ZFPL1: variants seen among roughly 807,000 people sequenced by gnomAD.
The protein encoded by ZFPL1 is zinc finger protein like 1, also known as zinc finger protein-like 1.
A neutral mutation model predicts 32.0 loss-of-function variants in ZFPL1; 28 were observed. That is an observed-to-expected ratio of 0.87 (90% CI 0.65 to 1.20). The LOEUF is 1.20. Among genes scored for constraint, ZFPL1 ranks in the 50% most tolerant of loss-of-function variants. The probability of loss-of-function intolerance (pLI) is 0.00; values close to 1 mark genes in which losing one functional copy is unlikely to be tolerated. For synonymous variants in ZFPL1, 165 were observed against 177.0 expected, an observed-to-expected ratio of 0.93 and a Z score of 0.54; for missense variants, 386 against 424.8, an observed-to-expected ratio of 0.91 and a Z score of 0.80.
Position 65,086,460 on chromosome 11 carries a change from C to G in ZFPL1, c.260C>G (p.Pro87Arg). 6.2e-7 allele frequency: 1 copy of G among 1,614,100 alleles called. No individual in the cohort carries two copies. Among genetic ancestry groups the G allele is most frequent in the Non-Finnish European group, 8.5e-7 (1 of 1,180,028 alleles). ...ACLNERAAQL[P>R]RNTAPAGYQC... Reference sequence around the variant, plus strand: ...CTCAATGAACGTGCTGCCCAGCTACCCCGAAACACGGCACCTGCCGGCTAT... The same window carrying G: ...CTCAATGAACGTGCTGCCCAGCTACGCCGAAACACGGCACCTGCCGGCTAT... The change falls in exon 4 of 8, where the codon CCC becomes CGC. Residue 87 changes from proline to arginine, a missense_variant. Coordinates refer to ENST00000294258, the MANE Select transcript of ZFPL1 (RefSeq NM_006782.4).
chr11:65,084,871 A>T lies in ZFPL1; in HGVS notation c.102+71A>T, dbSNP rs748979854. 2.5e-5 allele frequency: 39 copies of T among 1,559,270 alleles called. No homozygotes were observed. The African/African-American group carries it at 5.2e-4, about 21-fold the overall frequency. On this transcript the variant is annotated intron_variant, in intron 2 of 7. Coordinates refer to ENST00000294258, the MANE Select transcript of ZFPL1 (RefSeq NM_006782.4). ...GGCGGTATTGGCTTCCTCCAAATCC[A>T]TGAGGGGCCCCGCGCTAGAATGTAA...
chr11:65,086,372 C>G, intron 3 of ZFPL1, 43 bp from the exon 4 acceptor site: 1 of 1,612,422 alleles, frequency 6.2e-7, no homozygotes, highest in Non-Finnish European at 8.5e-7. Flanking sequence ...CCCTAAGTGT[C>G]TTCTTCCTCA....
At chr11:65,087,691 T>C (rs1307109646) in intron 7 of ZFPL1, 1 of 615,938 alleles carries the variant, frequency 1.6e-6, no homozygotes, top group Non-Finnish European at 2.8e-6. Flanking sequence ...TGACACCCCC[T>C]AATCTTTGTA....
intron 3 of ZFPL1, chr11:65,086,101 A>G: frequency 2.3e-6 from 1 of 439,498 alleles, no homozygotes; most frequent in Non-Finnish European, 4.1e-6. Flanking sequence ...ACTGTTCATT[A>G]TTAGCCATTA....
Position 65,086,948 on chromosome 11 carries a change from G to T in ZFPL1, c.502G>T (p.Glu168Ter). The change falls in exon 6 of 8, where the codon GAG (glutamate) becomes TAG (stop). Residue 168 changes from glutamate (E) to a stop codon, truncating the protein, a stop_gained. Coordinates refer to ENST00000294258, the MANE Select transcript of ZFPL1 (RefSeq NM_006782.4). LOFTEE classifies it high-confidence loss of function. ...SFNASSTPGPEEVDSASAAPA... is the reference protein window; with the variant it reads ...SFNASSTPGP ...CACAGCCAGCAGTACCCCTGGACCA[G>T]AGGAGGTAGACAGCGCCTCTGCTGC... 6.2e-7 allele frequency: 1 copy of T among 1,613,988 alleles called. No individual in the cohort carries two copies. Among genetic ancestry groups the T allele is most frequent in the African/African-American group, 1.3e-5 (1 of 75,002 alleles).
Position 65,084,930 on chromosome 11 carries a change from T to C in ZFPL1, c.102+130T>C, listed in dbSNP as rs765940015. 3 of 1,164,530 alleles carry C rather than the reference T, an allele frequency of 2.6e-6. No homozygotes were observed. In the Admixed American group the frequency reaches 6.0e-5, roughly 23 times the overall value. The allele number at this position is 1,164,530 out of a possible 1,614,324, so 72.1% of individuals were successfully genotyped here. A position where few individuals can be genotyped will look rare whatever the true frequency, so the allele number is the denominator to read the frequency against. ...AGGGCAAGGACTTGATTTATTTTGTTCACTGATATATCCCCCGTTCCCAAG... is the reference window on the plus strand; with the variant it reads ...AGGGCAAGGACTTGATTTATTTTGTCCACTGATATATCCCCCGTTCCCAAG... On this transcript the variant is annotated intron_variant, in intron 2 of 7. Coordinates refer to ENST00000294258, the MANE Select transcript of ZFPL1 (RefSeq NM_006782.4).
At position 65,085,264 on chromosome 11, in the gene ZFPL1, C is replaced by G. The variant is rs1554990725; in HGVS notation, c.214+38C>G. On this transcript the variant is annotated intron_variant, in intron 3 of 7. Coordinates refer to ENST00000294258, the MANE Select transcript of ZFPL1 (RefSeq NM_006782.4). Reference sequence around the variant, plus strand: ...CACCTCGGGGGGATCAGGCCAGCCTCAGGGGCCAGCTTGGTGACTGGTTTC... The same window carrying G: ...CACCTCGGGGGGATCAGGCCAGCCTGAGGGGCCAGCTTGGTGACTGGTTTC... 5.1e-6 allele frequency: 8 copies of G among 1,583,716 alleles called. No individual in the cohort carries two copies. The South Asian group carries it at 8.8e-5, about 18-fold the overall frequency.
rs942962184 is a variant in ZFPL1, at chr11:65,084,241, G to A, written c.-146G>A. On this transcript the variant is annotated 5_prime_UTR_variant, in exon 1 of 8. Coordinates refer to ENST00000294258, the MANE Select transcript of ZFPL1 (RefSeq NM_006782.4). ...CCCGGAAGAGACGTGGCAGCGGAGG[G>A]ATAATCGGGGCGGCCGGGGCTGAAG... The A allele has an allele frequency of 5.2e-6, 3 of 579,874 alleles. No individual in the cohort carries two copies. The highest frequency in any genetic ancestry group is 5.9e-5 in the East Asian group (2 of 33,746). The allele number at this position is 579,874 out of a possible 1,614,324, so 35.9% of individuals were successfully genotyped here. A position where few individuals can be genotyped will look rare whatever the true frequency, so the allele number is the denominator to read the frequency against.
intron 3 of ZFPL1, chr11:65,086,107 C>T (rs1336641646): frequency 2.2e-5 from 10 of 456,946 alleles, no homozygotes; most frequent in Non-Finnish European, 3.5e-5. Context: ...CATTATTAGC[C>T]ATTAGCCCAA....
At chr11:65,084,422 A>C in intron 1 of ZFPL1, 44 bp downstream of exon 1, 1 of 452,664 alleles carries the variant, frequency 2.2e-6, no homozygotes, top group Non-Finnish European at 3.8e-6. Context: ...GGGGCTCAGG[A>C]GAGGTCTTGG....
rs768278358 is a variant in ZFPL1 at position 65,086,584 on chromosome 11, C to T, written c.384C>T (p.Ala128=). Residue 128 remains alanine, a synonymous_variant, in exon 4 of 8, where the codon GCC becomes GCT. Transcript: ENST00000294258. ...LREKLATVNW[A]RAGLGLPLID... ...AGAAGCTGGCCACAGTCAACTGGGC[C>T]CGGGCAGGACTGGGCCTCCCTCTGG... The T allele has an allele frequency of 6.2e-7, 1 of 1,613,986 alleles. No individual in the cohort carries two copies. Among genetic ancestry groups the T allele is most frequent in the Non-Finnish European group, 8.5e-7 (1 of 1,179,982 alleles).
Position 65,085,125 on chromosome 11 carries a change from A to G in ZFPL1, c.113A>G (p.Gln38Arg). Residue 38 changes from glutamine to arginine, a missense_variant, in exon 3 of 8, where the codon CAG (glutamine) becomes CGG (arginine). By Grantham distance (43) the Gln-to-Arg change is conservative. Transcript: ENST00000294258. The part of the protein sequence containing the change: ...LVANHAKCIV[Q>R]SYLQWLQDSD... ...TCTCTCCCACTCCAGTGCATCGTCC[A>G]GTCCTACCTGCAATGGCTCCAAGAT... is the stretch of plus-strand genomic sequence containing the variant. 1 of 1,614,230 alleles carries G rather than the reference A, an allele frequency of 6.2e-7. No homozygotes were observed.
Position 65,087,009 on chromosome 11 carries a change from C to A in ZFPL1, c.563C>A (p.Ala188Asp). The A allele has an allele frequency of 6.2e-7, 1 of 1,614,010 alleles. No homozygotes were observed. Among genetic ancestry groups the A allele is most frequent in the African/African-American group, 1.3e-5 (1 of 75,060 alleles). ...TACAGCCAGGCCCCCCGGCCCCCAG[C>A]TTCCCCAGGCCGGCCCGAGCAGCAC... ...AFYSQAPRPP[A>D]SPGRPEQHTV... Residue 188 changes from alanine to aspartate, a missense_variant, in exon 6 of 8, where the codon GCT (alanine) becomes GAT (aspartate). By Grantham distance (126) the Ala-to-Asp change is moderately radical. Transcript: ENST00000294258.
At position 65,085,229 on chromosome 11, in the gene ZFPL1, G is replaced by A. The variant is rs1360199749; in HGVS notation, c.214+3G>A. 1 of 1,613,896 alleles carries A rather than the reference G, an allele frequency of 6.2e-7. No homozygotes were observed. The highest frequency in any genetic ancestry group is 1.3e-5 in the African/African-American group (1 of 75,018). The stretch of plus-strand genomic sequence containing the variant: ...GACGACCCGCCTTGTCTGCTATGGT[G>A]AGGCCTTGGCACCTCGGGGGGATCA... On this transcript the variant is annotated splice_donor_region_variant and intron_variant, in intron 3 of 7. Coordinates refer to ENST00000294258, the MANE Select transcript of ZFPL1 (RefSeq NM_006782.4).
chr11:65,084,844 A>G (rs372849414), intron 2 of ZFPL1, 44 bp downstream of exon 2: 19 of 1,608,880 alleles, frequency 1.2e-5, no homozygotes, highest in African/African-American at 2.7e-5. Flanking sequence ...CTGGGTGGGC[A>G]AGGCGGTATT....
At chr11:65,086,652 C>G (rs1389541362) in intron 4 of ZFPL1, 44 bp downstream of exon 4, 1 of 1,613,956 alleles carries the variant, frequency 6.2e-7, no homozygotes, top group East Asian at 2.2e-5. Context: ...GCCCTGGGCC[C>G]CACCTGAGTC....
At chr11:65,085,315 G>A in intron 3 of ZFPL1, 89 bp downstream of exon 3, 2 of 1,167,216 alleles carry the variant, frequency 1.7e-6, no homozygotes, top group South Asian at 1.2e-5. Flanking sequence ...CAGCAGGACA[G>A]TGAGTCCCCC....
Position 65,086,588 on chromosome 11 carries a change from G to A in ZFPL1, c.388G>A (p.Ala130Thr), listed in dbSNP as rs925936086. 6.2e-7 allele frequency: 1 copy of A among 1,613,930 alleles called. No individual in the cohort carries two copies. Among genetic ancestry groups the A allele is most frequent in the Non-Finnish European group, 8.5e-7 (1 of 1,179,954 alleles). The change falls in exon 4 of 8, where the codon GCA becomes ACA. Residue 130 changes from alanine (A) to threonine (T), a missense_variant. Coordinates refer to ENST00000294258, the MANE Select transcript of ZFPL1 (RefSeq NM_006782.4). Reference protein sequence around the residue: ...EKLATVNWARAGLGLPLIDEV... With the variant: ...EKLATVNWARTGLGLPLIDEV... Reference sequence around the variant, plus strand: ...GCTGGCCACAGTCAACTGGGCCCGGGCAGGACTGGGCCTCCCTCTGGTGAG... The same window carrying A: ...GCTGGCCACAGTCAACTGGGCCCGGACAGGACTGGGCCTCCCTCTGGTGAG...
At chr11:65,086,007 GCT>G in intron 3 of ZFPL1, 1 of 258,040 alleles carries the variant, frequency 3.9e-6, no homozygotes. Context: ...TTGATTATGT[GCT>G]TATAAGGACA....
Sources: allele counts gnomAD v4.1 joint callset, GRCh38; gene constraint gnomAD v4.1.1; transcripts MANE v1.5; gene names NCBI Gene and HGNC (gene_info 2026-07-23, HGNC 2026-07-21).